MED13: variants seen among roughly 807,000 people sequenced by gnomAD.
MED13 encodes mediator complex subunit 13.
A neutral mutation model predicts 225.2 loss-of-function variants in MED13; 23 were observed. The ratio of observed to expected loss-of-function variants is 0.10; its 90% CI spans 0.07 to 0.14. MED13 has a LOEUF of 0.14. Among genes scored for constraint, MED13 ranks in the 10% least tolerant of loss-of-function variants. The pLI is 1.00. For missense variants in MED13, 2,197 were observed against 2,594.5 expected, an observed-to-expected ratio of 0.85 and a Z score of 3.33; for synonymous variants, 942 against 889.2, an observed-to-expected ratio of 1.06 and a Z score of -1.06.
At chr17:62,036,702 G>A (rs1461270982) in intron 3 of MED13, 2 of 152,078 alleles carry the variant, frequency 1.3e-5, no homozygotes, top group Non-Finnish European at 2.9e-5. Flanking sequence ...GTAGAAAAGA[G>A]GCAAAAAGCA....
intron 11 of MED13, among the ~76,000 whole-genome samples, chr17:61,991,428 C>T (rs1035752206): frequency 6.6e-6 from 1 of 152,110 alleles, no homozygotes; most frequent in Non-Finnish European, 1.5e-5. Context: ...CAACCTCTGC[C>T]TCCTGGGTTC....
In MED13 at chr17:61,982,555, C is replaced by T. The variant is rs200066678; in HGVS notation, c.3448G>A (p.Gly1150Arg). The T allele has an allele frequency of 1.3e-4, 215 of 1,614,042 alleles. No individual in the cohort carries two copies. The highest frequency in any genetic ancestry group is 1.7e-4 in the Non-Finnish European group (196 of 1,180,030). The change falls in exon 16 of 30, where the codon GGA (glycine) becomes AGA (arginine). Residue 1150 changes from glycine (G) to arginine (R), a missense_variant. This residue lies in a region of MED13 where 203 missense variants were observed against 209.7 expected (regional missense o/e 0.97). Transcript: ENST00000397786. ...TCTTTGCCACAGTCTGTATTGCGTC[C>T]TATGATATCTAGTTCATCTTCAAGA... is the stretch of plus-strand genomic sequence containing the variant. ...LFLEDELDII[G>R]RNTDCGKEAE...
chr17:61,983,160 A>G lies in MED13; in HGVS notation c.2889-46T>C. On this transcript the variant is annotated intron_variant, in intron 15 of 29. Transcript: ENST00000397786. ...GAAGATCAAATATATATATAAAGGA[A>G]CATATTAGTAATGTGAAATACAACT... is the stretch of plus-strand genomic sequence containing the variant. 3 of 1,409,610 alleles carry G rather than the reference A, an allele frequency of 2.1e-6. No individual in the cohort carries two copies. In the South Asian group the frequency reaches 4.4e-5, roughly 21 times the overall value. The allele number at this position is 1,409,610 out of a possible 1,614,324, so 87.3% of individuals were successfully genotyped here.
intron 23 of MED13, 124 bp from the exon 24 acceptor site, chr17:61,956,605 C>A: frequency 5.7e-6 from 5 of 872,634 alleles, no homozygotes; most frequent in Non-Finnish European, 6.9e-6. Context: ...GTGGTGCGAT[C>A]TCGGCTCACT....
At chr17:61,976,251 T>C (rs769107847) in intron 16 of MED13, among the ~76,000 whole-genome samples, 7 of 152,204 alleles carry the variant, frequency 4.6e-5, no homozygotes, top group African/African-American at 7.2e-5. Context: ...ATATGTGCTA[T>C]AGCATAGATG....
At chr17:61,949,235 G>T (rs1257278190) in intron 28 of MED13, among the ~76,000 whole-genome samples, 1 of 152,050 alleles carries the variant, frequency 6.6e-6, no homozygotes, top group Non-Finnish European at 1.5e-5. Flanking sequence ...AACAAATTCG[G>T]TTTTGTTTTT....
At chr17:61,976,810 T>C (rs987919832) in intron 16 of MED13, among the ~76,000 whole-genome samples, 45 of 152,232 alleles carry the variant, frequency 3.0e-4, no homozygotes, top group Admixed American at 2.6e-3. Flanking sequence ...CGGGCACCTG[T>C]AGTCCCAGCT....
chr17:62,049,798 C>T (rs190204815), intron 3 of MED13, among the ~76,000 whole-genome samples: 2 of 151,704 alleles, frequency 1.3e-5, no homozygotes, highest in South Asian at 2.1e-4. Context: ...GGCGTGGTGG[C>T]GGGCACCTGT....
At chr17:61,989,884 T>A (rs1465551771) in intron 11 of MED13, among the ~76,000 whole-genome samples, 2 of 152,226 alleles carry the variant, frequency 1.3e-5, no homozygotes, top group Non-Finnish European at 2.9e-5. Flanking sequence ...TTAGGATTGT[T>A]TTTTCTATTA....
At chr17:62,020,548 T>C (rs1458250083) in intron 8 of MED13, among the ~76,000 whole-genome samples, 2 of 151,968 alleles carry the variant, frequency 1.3e-5, no homozygotes, top group Non-Finnish European at 2.9e-5. Flanking sequence ...GGCTAATTTT[T>C]TTTTGTACTT....
At position 61,953,117 on chromosome 17, in the gene MED13, A is replaced by T; in HGVS notation, c.5969-4T>A. The T allele has an allele frequency of 1.2e-6, 2 of 1,608,838 alleles. No individual in the cohort carries two copies. The highest frequency in any genetic ancestry group is 2.2e-5 in the South Asian group (2 of 90,072). On this transcript the variant is annotated splice_region_variant and splice_polypyrimidine_tract_variant and intron_variant, in intron 26 of 29. Transcript: ENST00000397786. ...ATACCCATTCCATCTGCTCCATCTA[A>T]ACAGGAGAAAGAAAAGAAATTTAAA...
intron 11 of MED13, among the ~76,000 whole-genome samples, chr17:61,991,612 A>G (rs956782335): frequency 2.1e-4 from 32 of 151,754 alleles, no homozygotes; most frequent in Admixed American, 1.4e-3. Context: ...AGGTTCAAGC[A>G]TTCTCCTGCC....
chr17:61,990,978 G>A (rs924847252), intron 11 of MED13, among the ~76,000 whole-genome samples: 10 of 151,964 alleles, frequency 6.6e-5, no homozygotes, highest in Non-Finnish European at 1.5e-4. Flanking sequence ...TAGAAATTGT[G>A]GTTTTAGATC....
chr17:61,965,795 G>A (rs2080052737), intron 19 of MED13, among the ~76,000 whole-genome samples: 1 of 152,116 alleles, frequency 6.6e-6, no homozygotes, highest in African/African-American at 2.4e-5. Flanking sequence ...TATTCAAAGG[G>A]TTTCTAAATC....
chr17:61,978,010 A>G (rs1359049168), intron 16 of MED13, among the ~76,000 whole-genome samples: 1 of 152,226 alleles, frequency 6.6e-6, no homozygotes, highest in East Asian at 1.9e-4. Context: ...AACATATACC[A>G]GGTAAAGCTC....
Position 61,955,912 on chromosome 17 carries a change from G to T in MED13, c.5624-74C>A. 2.9e-6 allele frequency: 4 copies of T among 1,368,994 alleles called. No individual in the cohort carries two copies. In the South Asian group the frequency reaches 5.5e-5, roughly 19 times the overall value. 84.8% of individuals were successfully genotyped at this position (1,368,994 alleles called of 1,614,324 possible). ...GTAACAGCATTATTAATATCCTGTA[G>T]AACCAAGTTAAAGTTAAAATATAAA... On this transcript the variant is annotated intron_variant, in intron 24 of 29. Coordinates refer to ENST00000397786, the MANE Select transcript of MED13 (RefSeq NM_005121.3).
At chr17:62,012,599 G>A (rs1297765972) in intron 8 of MED13, among the ~76,000 whole-genome samples, 4 of 151,808 alleles carry the variant, frequency 2.6e-5, no homozygotes, top group African/African-American at 9.7e-5. Context: ...CAAAGTGCTG[G>A]GATTACAGGC....
chr17:62,015,942 ATATATATATATATTTTTTTTTT>A lies in MED13; in HGVS notation c.1284-4731_1284-4710del, dbSNP rs1212927440. Among the ~76,000 whole-genome samples, 38 of 10,034 alleles carry A rather than the reference ATATATATATATATTTTTTTTTT, an allele frequency of 3.8e-3. 1 individual carries two copies. The highest frequency in any genetic ancestry group is 0.013 in the Admixed American group (8 of 598). 6.6% of individuals were successfully genotyped at this position (10,034 alleles called of 152,430 possible). A position where few individuals can be genotyped will look rare whatever the true frequency, so the allele number is the denominator to read the frequency against. On this transcript the variant is annotated intron_variant, in intron 8 of 29. Coordinates refer to ENST00000397786, the MANE Select transcript of MED13 (RefSeq NM_005121.3). Reference sequence around the variant, plus strand: ...TATATATATATATATATATATATATATATATATATATATTTTTTTTTTTTTTTTTTTTTTTTTTTTTAGTAGA... The same window carrying A: ...TATATATATATATATATATATATATATTTTTTTTTTTTTTTTTTTAGTAGA...
At chr17:62,053,520 C>T (rs979848239) in intron 2 of MED13, among the ~76,000 whole-genome samples, 1 of 152,122 alleles carries the variant, frequency 6.6e-6, no homozygotes, top group Non-Finnish European at 1.5e-5. Flanking sequence ...TTTGTGTACT[C>T]TATCCATTTC....
Sources: allele counts gnomAD v4.1 joint callset (sites outside exome capture counted in the v4.1 genomes callset), GRCh38; gene constraint gnomAD v4.1.1; regional missense constraint gnomAD v4.1.1; transcripts MANE v1.5; gene names NCBI Gene and HGNC (gene_info 2026-07-23, HGNC 2026-07-21).